The following PPP1R21 variants were observed in gnomAD, a reference collection of about 807,000 sequenced individuals.
PPP1R21 encodes the protein KLRAQ motif containing 1.
A neutral mutation model predicts 112.8 loss-of-function variants in PPP1R21; 85 were observed. The ratio of observed to expected loss-of-function variants is 0.75; its 90% CI spans 0.63 to 0.90. PPP1R21 has a LOEUF of 0.90. Ranked by LOEUF, PPP1R21 falls within the 40% of genes least tolerant of loss-of-function variation. The pLI is 0.00. For synonymous variants in PPP1R21, 381 were observed against 322.3 expected (o/e 1.18, Z -1.95); for missense variants, 1,199 against 901.5 (o/e 1.33, Z -4.23).
intron 13 of PPP1R21, among the ~76,000 whole-genome samples, chr2:48,483,453 G>A (rs1225748946): frequency 1.3e-5 from 2 of 152,032 alleles, no homozygotes. Context: ...AAAGTTTTGG[G>A]ATTATAGGCG....
chr2:48,467,837 G>A (rs1668272691), intron 9 of PPP1R21, among the ~76,000 whole-genome samples: 1 of 152,222 alleles, frequency 6.6e-6, no homozygotes, highest in Non-Finnish European at 1.5e-5. Context: ...CTTAGAAGCT[G>A]ACTCTCACAG....
At chr2:48,443,428 A>G (rs978814798) in intron 1 of PPP1R21, among the ~76,000 whole-genome samples, 2 of 152,232 alleles carry the variant, frequency 1.3e-5, no homozygotes, top group Admixed American at 1.3e-4. Context: ...TTTCTAATGG[A>G]CATGGACTGG....
chr2:48,460,495 T>C lies in PPP1R21; in HGVS notation c.599+342T>C, dbSNP rs1667927472. On this transcript the variant is annotated intron_variant, in intron 6 of 21. Transcript: ENST00000294952. ...AACTGATAATCACCATGCCAATCTT[T>C]TAATGGTACATTTTGAATAAAATAG... Among the ~76,000 whole-genome samples, 3 of 152,214 alleles carry C rather than the reference T, an allele frequency of 2.0e-5. No homozygotes were observed. In the South Asian group the frequency reaches 6.2e-4, roughly 31 times the overall value.
intron 1 of PPP1R21, 58 bp downstream of exon 1, chr2:48,441,068 G>A (rs886554255): frequency 4.7e-6 from 6 of 1,283,694 alleles, no homozygotes; most frequent in South Asian, 1.2e-5. Context: ...AGGTTGCCGT[G>A]GCAGCGACTT....
intron 11 of PPP1R21, among the ~76,000 whole-genome samples, chr2:48,471,910 A>T (rs2103852684): frequency 6.6e-6 from 1 of 152,320 alleles, no homozygotes; most frequent in Admixed American, 6.5e-5. Context: ...CACCTATTTC[A>T]TTTAAATCTT....
intron 1 of PPP1R21, among the ~76,000 whole-genome samples, chr2:48,449,182 A>G (rs1329549276): frequency 2.0e-5 from 3 of 152,204 alleles, no homozygotes; most frequent in Non-Finnish European, 4.4e-5. Flanking sequence ...CATGCAAACT[A>G]TAATAAACAT....
rs764884358 is a variant in PPP1R21, at chr2:48,441,014, C to A, written c.57+4C>A. Reference sequence around the variant, plus strand: ...GCTGGCTCAGGAGTACTCGAAGGTACCCATCGTGGTCTGGGAGTAGGGGGT... The same window carrying A: ...GCTGGCTCAGGAGTACTCGAAGGTAACCATCGTGGTCTGGGAGTAGGGGGT... On this transcript the variant is annotated splice_donor_region_variant and intron_variant, in intron 1 of 21. Transcript: ENST00000294952. 6.2e-7 allele frequency: 1 copy of A among 1,602,360 alleles called. No individual in the cohort carries two copies. Among genetic ancestry groups the A allele is most frequent in the South Asian group, 1.1e-5 (1 of 90,538 alleles).
chr2:48,477,866 G>T (rs985711010), intron 12 of PPP1R21, among the ~76,000 whole-genome samples: 1 of 152,104 alleles, frequency 6.6e-6, no homozygotes, highest in Non-Finnish European at 1.5e-5. Flanking sequence ...AATTCTAACT[G>T]TCAGTACCTG....
At chr2:48,459,619 A>G in intron 4 of PPP1R21, 135 bp from the exon 5 acceptor site, 1 of 874,252 alleles carries the variant, frequency 1.1e-6, no homozygotes, top group Non-Finnish European at 1.7e-6. Flanking sequence ...TTAATGAGAT[A>G]ATGCCTGTGT....
At chr2:48,499,733 G>C (rs1351630525) in intron 17 of PPP1R21, among the ~76,000 whole-genome samples, 1 of 152,112 alleles carries the variant, frequency 6.6e-6, no homozygotes, top group Non-Finnish European at 1.5e-5. Context: ...ACATTATCTT[G>C]CAACTTTGTA....
chr2:48,469,291 GTGTGTATGTATA>G (rs1668355591), intron 9 of PPP1R21, among the ~76,000 whole-genome samples: 1 of 67,120 alleles, frequency 1.5e-5, no homozygotes, highest in Non-Finnish European at 3.0e-5. Context: ...GTGTGTGTGT[GTGTGTATGTATA>G]TATATACACA....
rs540409382 is a variant in PPP1R21 at position 48,457,454 on chromosome 2, G to T, written c.274-672G>T. ...ATGTTTGAACACAGTTTCATTGTTA[G>T]GCTGTTCCTTGAATAGTCTCAGTTC... On this transcript the variant is annotated intron_variant, in intron 3 of 21. Transcript: ENST00000294952. Among the ~76,000 whole-genome samples the T allele has an allele frequency of 3.9e-5, 6 of 152,210 alleles. No homozygotes were observed. In the East Asian group the frequency reaches 9.7e-4, roughly 24 times the overall value.
chr2:48,496,146 A>G (rs898111112), intron 16 of PPP1R21, among the ~76,000 whole-genome samples: 3 of 152,164 alleles, frequency 2.0e-5, no homozygotes, highest in South Asian at 2.1e-4. Context: ...AAAATGTGCA[A>G]TATTTAGTGG....
intron 12 of PPP1R21, among the ~76,000 whole-genome samples, chr2:48,476,677 C>T (rs1263323636): frequency 6.6e-6 from 1 of 152,108 alleles, no homozygotes; most frequent in Non-Finnish European, 1.5e-5. Flanking sequence ...GTAGTTTTTA[C>T]TTGCATTTTC....
chr2:48,507,044 G>T (rs1003991357), intron 18 of PPP1R21, among the ~76,000 whole-genome samples: 3 of 151,360 alleles, frequency 2.0e-5, no homozygotes, highest in African/African-American at 4.9e-5. Flanking sequence ...CTGTTTTCTT[G>T]AAGCCATAAC....
chr2:48,491,100 G>T lies in PPP1R21; in HGVS notation c.1529G>T (p.Ser510Ile). 1 of 1,614,130 alleles carries T rather than the reference G, an allele frequency of 6.2e-7. No individual in the cohort carries two copies. The highest frequency in any genetic ancestry group is 1.1e-5 in the South Asian group (1 of 91,082). ...CCTAAGGCAGCGAGTGGATTCATTA[G>T]TCCTCTTTCAGCTGAATGCATGCTA... The part of the protein sequence containing the change: ...YGPKAASGFI[S>I]PLSAECMLQY... Residue 510 changes from serine to isoleucine, a missense_variant, in exon 15 of 22, where the codon AGT becomes ATT. By Grantham distance (142) the Ser-to-Ile change is moderately radical (BLOSUM62 -2). Transcript: ENST00000294952.
intron 9 of PPP1R21, among the ~76,000 whole-genome samples, chr2:48,468,915 A>G (rs1668330280): frequency 6.6e-6 from 1 of 151,360 alleles, no homozygotes; most frequent in Non-Finnish European, 1.5e-5. Context: ...GCTGCTGATA[A>G]AGACTTGAAA....
chr2:48,444,339 A>T (rs1246273286), intron 1 of PPP1R21, among the ~76,000 whole-genome samples: 2 of 152,184 alleles, frequency 1.3e-5, no homozygotes, highest in Non-Finnish European at 2.9e-5. Flanking sequence ...AACAGATGCA[A>T]GCTACCTCCT....
In PPP1R21 at chr2:48,511,413, A is replaced by C; in HGVS notation, c.2258A>C (p.Asn753Thr). Reference sequence around the variant, plus strand: ...ATGAGTGACCACCTGTGCAGCATGAATGAGACATTATCTAAACAGAGAGAA... The same window carrying C: ...ATGAGTGACCACCTGTGCAGCATGACTGAGACATTATCTAAACAGAGAGAA... ...SMMSDHLCSM[N>T]ETLSKQREEI... Residue 753 changes from asparagine (N) to threonine (T), a missense_variant, in exon 21 of 22, where the codon AAT becomes ACT. Physicochemically the swap from Asn to Thr is moderately conservative, Grantham distance 65 (BLOSUM62 0). Transcript: ENST00000294952. 1 of 1,614,140 alleles carries C rather than the reference A, an allele frequency of 6.2e-7. No homozygotes were observed. Among genetic ancestry groups the C allele is most frequent in the African/African-American group, 1.3e-5 (1 of 75,052 alleles).
Sources: gnomAD v4.1 joint callset for allele counts (sites outside exome capture counted in the v4.1 genomes callset) on GRCh38, gnomAD v4.1.1 for gene constraint, MANE v1.5 for transcripts, NCBI Gene and HGNC (gene_info 2026-07-23, HGNC 2026-07-21) for gene names.